The following ZC3H12B variants were observed in gnomAD, a reference collection of about 807,000 sequenced individuals.
ZC3H12B encodes the protein zinc finger CCCH-type containing 12B.
A neutral mutation model predicts 43.9 loss-of-function variants in ZC3H12B; 7 were observed. The ratio of observed to expected loss-of-function variants is 0.16; its 90% CI spans 0.09 to 0.30. ZC3H12B has a LOEUF of 0.30. ZC3H12B is among the 10% of genes least tolerant of loss of function. The pLI is 1.00. For synonymous variants in ZC3H12B, 222 were observed against 241.7 expected, an observed-to-expected ratio of 0.92 and a Z score of 0.76; for missense variants, 475 against 670.2, an observed-to-expected ratio of 0.71 and a Z score of 3.22.
chrX:65,230,887 A>T, the ZC3H12B span, among the ~76,000 whole-genome samples: 1 of 112,109 alleles, frequency 8.9e-6, no homozygotes, highest in Non-Finnish European at 1.9e-5. Context: ...AAGATAGACT[A>T]CTTTAACGCT....
the ZC3H12B span, among the ~76,000 whole-genome samples, chrX:65,159,717 A>G: frequency 4.5e-5 from 5 of 111,941 alleles, no homozygotes; most frequent in Admixed American, 3.8e-4. Flanking sequence ...AAAAGGGACA[A>G]TTTGACTCCC....
the ZC3H12B span, among the ~76,000 whole-genome samples, chrX:65,294,639 G>C: frequency 2.7e-5 from 3 of 111,492 alleles, no homozygotes; most frequent in Admixed American, 1.9e-4. Context: ...ATAAAGTTAA[G>C]GTAAAGGGGT....
chrX:65,314,728 G>A, the ZC3H12B span, among the ~76,000 whole-genome samples: 1 of 110,874 alleles, frequency 9.0e-6, no homozygotes, highest in Admixed American at 9.6e-5. Context: ...AACAGAAATG[G>A]TACATTTCTG....
chrX:65,050,662 G>A, the ZC3H12B span, among the ~76,000 whole-genome samples: 1 of 111,343 alleles, frequency 9.0e-6, no homozygotes, highest in Non-Finnish European at 1.9e-5. Flanking sequence ...AAATATTTCT[G>A]TGTCTATTGA....
chrX:65,352,103 G>A, the ZC3H12B span, among the ~76,000 whole-genome samples: 1 of 112,340 alleles, frequency 8.9e-6, no homozygotes, highest in Non-Finnish European at 1.9e-5. Flanking sequence ...TAAAGAAAAT[G>A]TGGCACATAT....
the ZC3H12B span, among the ~76,000 whole-genome samples, chrX:65,110,129 T>G: frequency 3.6e-5 from 4 of 111,132 alleles, no homozygotes; most frequent in East Asian, 8.5e-4. Context: ...TTTTCATGCC[T>G]TTTACTTACT....
chrX:65,232,020 G>A, the ZC3H12B span, among the ~76,000 whole-genome samples: 5 of 109,600 alleles, frequency 4.6e-5, no homozygotes, highest in Admixed American at 4.9e-4. Flanking sequence ...CAGAACACAA[G>A]GTCAGGAGAT....
the ZC3H12B span, among the ~76,000 whole-genome samples, chrX:65,127,864 C>G: frequency 1.2e-4 from 13 of 111,337 alleles, no homozygotes; most frequent in Non-Finnish European, 7.5e-5. Context: ...AAAGGGCAGT[C>G]TCACTTTCAT....
At chrX:65,239,585 G>T in the ZC3H12B span, among the ~76,000 whole-genome samples, 9 of 111,515 alleles carry the variant, frequency 8.1e-5, no homozygotes, top group African/African-American at 2.9e-4. Context: ...TACATTTAAG[G>T]TTAATATTTT....
chrX:65,092,932 A>T, the ZC3H12B span, among the ~76,000 whole-genome samples: 1 of 111,598 alleles, frequency 9.0e-6, no homozygotes, highest in African/African-American at 3.3e-5. Context: ...GGCTTCAGAG[A>T]CCTTTGTGGC....
the ZC3H12B span, among the ~76,000 whole-genome samples, chrX:65,360,580 C>A: frequency 8.9e-6 from 1 of 111,915 alleles, no homozygotes; most frequent in Non-Finnish European, 1.9e-5. Flanking sequence ...ATTAGAACTC[C>A]TACAAACGCT....
chrX:65,434,701 T>C lies in ZC3H12B; in HGVS notation n.407+35997T>C, dbSNP rs190068762. Among the ~76,000 whole-genome samples, 5 of 111,973 alleles carry C rather than the reference T, an allele frequency of 4.5e-5. No homozygotes were observed. In the Admixed American group the frequency reaches 4.7e-4, roughly 11 times the overall value. On this transcript the variant is annotated intron_variant and non_coding_transcript_variant, in intron 3 of 5. Transcript: ENST00000617377. ...CTCATGTGTCACACTTTGTACCTTG[T>C]CTATAGGGGCCTGCTAGAACTTGAG...
At chrX:65,306,523 C>T in the ZC3H12B span, among the ~76,000 whole-genome samples, 1 of 110,873 alleles carries the variant, frequency 9.0e-6, no homozygotes, top group Admixed American at 9.6e-5. Flanking sequence ...CAGGCACACG[C>T]TGCCACGCCC....
the ZC3H12B span, among the ~76,000 whole-genome samples, chrX:65,181,436 G>A: frequency 9.0e-6 from 1 of 111,593 alleles, no homozygotes; most frequent in East Asian, 2.8e-4. Flanking sequence ...CTTCTGCACA[G>A]CAAAACAAAC....
chrX:65,320,242 C>T, the ZC3H12B span, among the ~76,000 whole-genome samples: 21 of 111,494 alleles, frequency 1.9e-4, no homozygotes, highest in Admixed American at 1.1e-3. Flanking sequence ...ACTGGGATTC[C>T]GTTACACCAA....
chrX:65,142,109 C>T, the ZC3H12B span, among the ~76,000 whole-genome samples: 2 of 112,040 alleles, frequency 1.8e-5, no homozygotes, highest in Admixed American at 9.5e-5. Context: ...AGTGGTTGTA[C>T]TAGTTTACAT....
At chrX:65,279,639 A>G in the ZC3H12B span, among the ~76,000 whole-genome samples, 1 of 111,637 alleles carries the variant, frequency 9.0e-6, no homozygotes, top group Admixed American at 9.5e-5. Flanking sequence ...CCTAACCAAT[A>G]CCATCCTGGA....
the ZC3H12B span, among the ~76,000 whole-genome samples, chrX:65,124,044 A>C: frequency 3.6e-5 from 4 of 111,106 alleles, no homozygotes; most frequent in Non-Finnish European, 7.6e-5. Context: ...GAAGTGGTTA[A>C]AGTGGGAATC....
At chrX:65,257,146 A>G in the ZC3H12B span, among the ~76,000 whole-genome samples, 1 of 112,215 alleles carries the variant, frequency 8.9e-6, no homozygotes, top group African/African-American at 3.2e-5. Flanking sequence ...ATAAAGACAC[A>G]TGCTCACGTA....
Sources: allele counts gnomAD v4.1 joint callset (sites outside exome capture counted in the v4.1 genomes callset), GRCh38; gene constraint gnomAD v4.1.1; transcripts MANE v1.5; gene names NCBI Gene and HGNC (gene_info 2026-07-23, HGNC 2026-07-21).